The following CES5A variants were observed in gnomAD, a reference collection of about 807,000 sequenced individuals.
CES5A encodes carboxylesterase 5A.
CES5A carries 67 observed loss-of-function variants against 62.9 expected under a neutral mutation model. The observed-to-expected ratio is 1.07, with a 90% CI of 0.88 to 1.31. The LOEUF is 1.31. Among genes scored for constraint, CES5A ranks in the 50% most tolerant of loss-of-function variants. The pLI is 0.00. For missense variants in CES5A, 748 were observed against 708.5 expected, an observed-to-expected ratio of 1.06 and a Z score of -0.63; for synonymous variants, 296 against 280.8, an observed-to-expected ratio of 1.05 and a Z score of -0.54.
chr16:55,916,262 T>A (rs567994620), intron 1 of CES5A, among the ~76,000 whole-genome samples: 1 of 152,104 alleles, frequency 6.6e-6, no homozygotes, highest in Admixed American at 6.5e-5. Flanking sequence ...AAGCTACATA[T>A]CTTGTGACTC....
In CES5A at chr16:55,892,032, T is replaced by C. The variant is rs182741663; in HGVS notation, c.-255-17995A>G. Among the ~76,000 whole-genome samples the C allele has an allele frequency of 1.1e-3, 168 of 152,226 alleles. 2 individuals carry two copies. The highest frequency in any genetic ancestry group is 1.3e-3 in the Non-Finnish European group (87 of 68,012). On this transcript the variant is annotated intron_variant, in intron 1 of 12. Coordinates refer to the CES5A transcript ENST00000518005. The stretch of plus-strand genomic sequence containing the variant: ...CCAGGAACTCCCCATCCTGAAGAGA[T>C]TAACTGAAAGTCTAGCACCTTTTAA...
rs925853489 is a variant in CES5A at position 55,955,131 on chromosome 16, G to C, written c.42+713C>G. Among the ~76,000 whole-genome samples the C allele has an allele frequency of 5.9e-5, 9 of 152,094 alleles. No individual in the cohort carries two copies. The East Asian group carries it at 1.7e-3, about 29-fold the overall frequency. Reference sequence around the variant, plus strand: ...TCCCTGACCCCTTCCTTCTGCCCCAGGGAGAGCTCAGTGTACACCAAAGAA... The same window carrying C: ...TCCCTGACCCCTTCCTTCTGCCCCACGGAGAGCTCAGTGTACACCAAAGAA... On this transcript the variant is annotated intron_variant, in intron 1 of 13. Coordinates refer to the CES5A transcript ENST00000521992.
chr16:55,904,146 A>G (rs2034016898), intron 1 of CES5A, among the ~76,000 whole-genome samples: 1 of 152,224 alleles, frequency 6.6e-6, no homozygotes, highest in Admixed American at 6.5e-5. Context: ...TGAGGAAAAT[A>G]AAAATAAAAT....
intron 1 of CES5A, among the ~76,000 whole-genome samples, chr16:55,905,492 G>A: frequency 6.6e-6 from 1 of 151,642 alleles, no homozygotes; most frequent in East Asian, 1.9e-4. Flanking sequence ...TCAGCCTCCT[G>A]AGTAGCTGGG....
intron 1 of CES5A, among the ~76,000 whole-genome samples, chr16:55,911,170 C>A (rs542667149): frequency 4.9e-4 from 74 of 152,246 alleles, no homozygotes; most frequent in African/African-American, 1.8e-3. Flanking sequence ...TTGCTCTGCC[C>A]CAGCCCCCAC....
chr16:55,868,200 C>T lies in CES5A; in HGVS notation c.551+1411G>A, dbSNP rs76730152. The stretch of plus-strand genomic sequence containing the variant: ...CGATAAGCAATTATTGAAAGCTCTT[C>T]TACCAAAGGAATCTTATGCAGAATC... On this transcript the variant is annotated intron_variant, in intron 4 of 12. Coordinates refer to ENST00000290567, the MANE Select transcript of CES5A (RefSeq NM_001143685.2). Among the ~76,000 whole-genome samples the T allele has an allele frequency of 3.5e-3, 526 of 152,340 alleles. 18 individuals are homozygous for T. The East Asian group carries it at 0.084, about 24-fold the overall frequency.
intron 1 of CES5A, among the ~76,000 whole-genome samples, chr16:55,896,353 C>A (rs2033934226): frequency 6.6e-6 from 1 of 152,082 alleles, no homozygotes; most frequent in African/African-American, 2.4e-5. Flanking sequence ...AGGGACACAG[C>A]CAAACCATAT....
rs117398192 is a variant in CES5A, at chr16:55,943,199, T to G, written c.160+6586A>C. ...AGTTAAAAAAGAAACCATTTATAAATGTAGCACTTTATTTTCTACAAACCA... is the reference window on the plus strand; with the variant it reads ...AGTTAAAAAAGAAACCATTTATAAAGGTAGCACTTTATTTTCTACAAACCA... On this transcript the variant is annotated intron_variant, in intron 2 of 13. Transcript: ENST00000521992. 3.3e-3 allele frequency among the ~76,000 whole-genome samples: 508 copies of G among 152,362 alleles called. 2 individuals carry two copies. The highest frequency in any genetic ancestry group is 5.2e-3 in the Non-Finnish European group (356 of 68,022).
At chr16:55,929,949 A>G (rs1172095393), upstream of CES5A, among the ~76,000 whole-genome samples, 1 of 151,798 alleles carries the variant, frequency 6.6e-6, no homozygotes. Flanking sequence ...GTAAAACCCA[A>G]TTGTGGCCCC....
At chr16:55,876,122 C>A (rs750770357), upstream of CES5A, among the ~76,000 whole-genome samples, 1 of 152,320 alleles carries the variant, frequency 6.6e-6, no homozygotes, top group East Asian at 1.9e-4. Flanking sequence ...TTGGAGTACA[C>A]CTAGGACTTT....
At chr16:55,934,848 G>C (rs969132170) in intron 2 of CES5A, among the ~76,000 whole-genome samples, 13 of 152,278 alleles carry the variant, frequency 8.5e-5, no homozygotes. Context: ...CAGGGCCTGA[G>C]ACGGGAGAGT....
chr16:55,921,667 A>T, intron 1 of CES5A, among the ~76,000 whole-genome samples: 1 of 142,508 alleles, frequency 7.0e-6, no homozygotes, highest in South Asian at 2.1e-4. Context: ...TTGAAGTGCA[A>T]AAAAAAAAAA....
chr16:55,855,412 T>G (rs2142389660), intron 9 of CES5A, among the ~76,000 whole-genome samples: 1 of 152,362 alleles, frequency 6.6e-6, no homozygotes, highest in African/African-American at 2.4e-5. Context: ...AGTGAATGAA[T>G]GAATTAGTGA....
intron 1 of CES5A, among the ~76,000 whole-genome samples, chr16:55,910,273 G>A (rs2034080731): frequency 1.3e-5 from 2 of 152,174 alleles, no homozygotes; most frequent in South Asian, 4.1e-4. Context: ...TGCCATCAAA[G>A]AAGCCAAGGT....
At chr16:55,923,927 A>G (rs1275446362) in intron 1 of CES5A, among the ~76,000 whole-genome samples, 1 of 151,914 alleles carries the variant, frequency 6.6e-6, no homozygotes, top group East Asian at 1.9e-4. Flanking sequence ...AAAATAATAC[A>G]TGCCTTATAT....
chr16:55,884,259 C>G (rs1183123229), intron 1 of CES5A, among the ~76,000 whole-genome samples: 1 of 152,242 alleles, frequency 6.6e-6, no homozygotes, highest in Non-Finnish European at 1.5e-5. Flanking sequence ...TTGTGCTACT[C>G]CTCCATGCTT....
chr16:55,916,357 T>C (rs760353848), intron 1 of CES5A, among the ~76,000 whole-genome samples: 3 of 152,192 alleles, frequency 2.0e-5, no homozygotes, highest in Non-Finnish European at 4.4e-5. Flanking sequence ...TGGCCTTTCA[T>C]TAGCTTTACA....
chr16:55,849,866 C>T, intron 10 of CES5A, 93 bp from the exon 11 acceptor site: 1 of 1,393,236 alleles, frequency 7.2e-7, no homozygotes, highest in South Asian at 1.3e-5. Context: ...GATGTATAGA[C>T]CCAGGGGTGG....
At chr16:55,905,507 C>T (rs1318171354) in intron 1 of CES5A, among the ~76,000 whole-genome samples, 1 of 152,034 alleles carries the variant, frequency 6.6e-6, no homozygotes, top group Non-Finnish European at 1.5e-5. Context: ...GCTGGGATTA[C>T]AGGCATGTAC....
Sources: allele counts gnomAD v4.1 joint callset (sites outside exome capture counted in the v4.1 genomes callset), GRCh38; gene constraint gnomAD v4.1.1; transcripts MANE v1.5; gene names NCBI Gene and HGNC (gene_info 2026-07-23, HGNC 2026-07-21).